Variants in CNTNAP4 observed in about 807,000 individuals in gnomAD.
CNTNAP4 encodes contactin associated protein family member 4, also known as contactin-associated protein-like 4.
In CNTNAP4, 98 loss-of-function variants were observed where a neutral mutation model predicts 148.4. The observed-to-expected ratio is 0.66, with a 90% CI of 0.56 to 0.78. The LOEUF is 0.78. CNTNAP4 is among the 30% of genes least tolerant of loss of function. The pLI, the probability that CNTNAP4 is intolerant of heterozygous loss-of-function variation, is 0.00. For synonymous variants in CNTNAP4, 730 were observed against 565.1 expected, an observed-to-expected ratio of 1.29 and a Z score of -4.14; for missense variants, 1,935 against 1,565.6, an observed-to-expected ratio of 1.24 and a Z score of -3.98.
Position 76,395,289 on chromosome 16 carries a change from G to T in CNTNAP4, c.391-32163G>T, listed in dbSNP as rs1424722654. Among the ~76,000 whole-genome samples the T allele has an allele frequency of 2.1e-5, 3 of 141,848 alleles. No individual in the cohort carries two copies. The Admixed American group carries it at 2.2e-4, about 10-fold the overall frequency. The allele number at this position is 141,848 out of a possible 152,430, so 93.1% of individuals were successfully genotyped here. A position where few individuals can be genotyped will look rare whatever the true frequency, so the allele number is the denominator to read the frequency against. On this transcript the variant is annotated intron_variant, in intron 3 of 23. Coordinates refer to ENST00000611870, the MANE Select transcript of CNTNAP4 (RefSeq NM_033401.5). ...AAGATTCTTTTTTTTTTTTTGAGAT[G>T]CAGTCTCTGTCTGCTGCCCAGGCTG...
chr16:76,459,995 T>C (rs2080877920), intron 8 of CNTNAP4, among the ~76,000 whole-genome samples: 1 of 152,244 alleles, frequency 6.6e-6, no homozygotes. Context: ...TTTGACTTTA[T>C]ACATGTCTAC....
chr16:76,351,164 A>T (rs1201163591), intron 2 of CNTNAP4, among the ~76,000 whole-genome samples: 1 of 152,136 alleles, frequency 6.6e-6, no homozygotes, highest in Non-Finnish European at 1.5e-5. Context: ...TTAATAAAAT[A>T]AATACAGTTT....
At chr16:76,479,669 A>G in intron 12 of CNTNAP4, 131 bp downstream of exon 12, 1 of 872,452 alleles carries the variant, frequency 1.1e-6, no homozygotes, top group Non-Finnish European at 1.7e-6. Context: ...CCTTAGAAAA[A>G]CTGAACATAA....
intron 4 of CNTNAP4, among the ~76,000 whole-genome samples, chr16:76,446,581 G>T (rs2080256889): frequency 6.6e-6 from 1 of 152,032 alleles, no homozygotes; most frequent in Non-Finnish European, 1.5e-5. Flanking sequence ...AAGACAGTCA[G>T]AAAGTTGAAA....
At chr16:76,325,719 T>G (rs1188471507) in intron 2 of CNTNAP4, among the ~76,000 whole-genome samples, 1 of 151,444 alleles carries the variant, frequency 6.6e-6, no homozygotes, top group Non-Finnish European at 1.5e-5. Context: ...CCCAAAAAAC[T>G]ACAAAAAGAA....
intron 3 of CNTNAP4, among the ~76,000 whole-genome samples, chr16:76,379,270 G>C (rs2015731906): frequency 6.6e-6 from 1 of 152,088 alleles, no homozygotes; most frequent in South Asian, 2.1e-4. Context: ...AAGCATGTCA[G>C]GGAAGTTCAT....
intron 1 of CNTNAP4, among the ~76,000 whole-genome samples, chr16:76,312,865 G>T (rs1404409088): frequency 1.7e-4 from 26 of 152,126 alleles, no homozygotes; most frequent in Non-Finnish European, 2.1e-4. Flanking sequence ...TGTGTGGCAG[G>T]ATTATAACTT....
intron 4 of CNTNAP4, among the ~76,000 whole-genome samples, chr16:76,431,737 T>C (rs2079614289): frequency 6.6e-6 from 1 of 152,108 alleles, no homozygotes; most frequent in Non-Finnish European, 1.5e-5. Flanking sequence ...AATCAAGATA[T>C]CTTGGTCATT....
At chr16:76,305,020 G>A (rs1048432066) in intron 1 of CNTNAP4, among the ~76,000 whole-genome samples, 1 of 152,156 alleles carries the variant, frequency 6.6e-6, no homozygotes, top group Non-Finnish European at 1.5e-5. Flanking sequence ...TTGAAGTGAG[G>A]TTGGACTGCT....
At chr16:76,482,227 G>A (rs955363107) in intron 12 of CNTNAP4, among the ~76,000 whole-genome samples, 26 of 151,978 alleles carry the variant, frequency 1.7e-4, no homozygotes, top group African/African-American at 6.0e-4. Flanking sequence ...CAAAAATCCA[G>A]GACTGATTGT....
At chr16:76,356,371 G>C (rs928540277) in intron 3 of CNTNAP4, among the ~76,000 whole-genome samples, 2 of 152,080 alleles carry the variant, frequency 1.3e-5, no homozygotes. Flanking sequence ...TCTAGTCTCT[G>C]TAAAGTGTAT....
At chr16:76,318,015 T>C (rs886782309) in intron 2 of CNTNAP4, among the ~76,000 whole-genome samples, 1 of 152,130 alleles carries the variant, frequency 6.6e-6, no homozygotes, top group Non-Finnish European at 1.5e-5. Flanking sequence ...GAGTTACTGG[T>C]CACATGGGAC....
intron 3 of CNTNAP4, among the ~76,000 whole-genome samples, chr16:76,357,071 A>ACC (rs879659336): frequency 1.8e-3 from 277 of 151,662 alleles, no homozygotes; most frequent in African/African-American, 6.5e-3. Flanking sequence ...ACACACACAC[A>ACC]CACACACACA....
intron 2 of CNTNAP4, among the ~76,000 whole-genome samples, chr16:76,346,431 A>AT (rs1491279045): frequency 4.6e-5 from 4 of 87,460 alleles, no homozygotes; most frequent in African/African-American, 1.2e-4. Context: ...GCTAGGGAAG[A>AT]TAAAAAAAAA....
intron 4 of CNTNAP4, among the ~76,000 whole-genome samples, chr16:76,428,855 T>G (rs754342236): frequency 1.3e-5 from 2 of 152,170 alleles, no homozygotes; most frequent in African/African-American, 2.4e-5. Flanking sequence ...CCAAGCAGTT[T>G]ACGATTCCTC....
intron 2 of CNTNAP4, among the ~76,000 whole-genome samples, chr16:76,319,378 C>T (rs1962165527): frequency 6.6e-6 from 1 of 151,950 alleles, no homozygotes; most frequent in African/African-American, 2.4e-5. Flanking sequence ...CAGAGTGAGA[C>T]TCTGTCTCAA....
intron 2 of CNTNAP4, among the ~76,000 whole-genome samples, chr16:76,317,617 T>C (rs975698939): frequency 6.6e-6 from 1 of 152,228 alleles, no homozygotes; most frequent in Non-Finnish European, 1.5e-5. Flanking sequence ...GCAACATCAG[T>C]CAGTCACTTC....
At chr16:76,343,771 C>A (rs1029808849) in intron 2 of CNTNAP4, among the ~76,000 whole-genome samples, 10 of 151,686 alleles carry the variant, frequency 6.6e-5, no homozygotes, top group Non-Finnish European at 1.5e-4. Flanking sequence ...GTAAAGAAAT[C>A]ATTTAAAACA....
At chr16:76,446,732 G>A (rs1286269171) in intron 4 of CNTNAP4, among the ~76,000 whole-genome samples, 6 of 152,162 alleles carry the variant, frequency 3.9e-5, no homozygotes, top group South Asian at 2.1e-4. Context: ...AGCCACAGAC[G>A]GAAAATAAGA....
Sources: allele counts gnomAD v4.1 joint callset (sites outside exome capture counted in the v4.1 genomes callset), GRCh38; gene constraint gnomAD v4.1.1; transcripts MANE v1.5; gene names NCBI Gene and HGNC (gene_info 2026-07-23, HGNC 2026-07-21).